The following ERI3 variants were observed in gnomAD, a reference collection of about 807,000 sequenced individuals.
ERI3 encodes ERI1 exoribonuclease family member 3, also known as ERI1 exoribonuclease 3.
ERI3 carries 18 observed loss-of-function variants against 44.4 expected under a neutral mutation model. That is an observed-to-expected ratio of 0.41 (90% CI 0.28 to 0.60). The LOEUF (loss-of-function observed/expected upper bound fraction) is 0.60. Ranked by LOEUF, ERI3 falls within the 20% of genes least tolerant of loss-of-function variation. ERI3 has a pLI of 0.36. For synonymous variants in ERI3, 183 were observed against 164.8 expected (o/e 1.11, Z -0.84); for missense variants, 294 against 435.5 (o/e 0.68, Z 2.89).
intron 8 of ERI3, among the ~76,000 whole-genome samples, chr1:44,238,277 G>C (rs2154317049): frequency 6.6e-6 from 1 of 152,140 alleles, no homozygotes; most frequent in Admixed American, 6.5e-5. Flanking sequence ...GGATGTTGTG[G>C]GGGAGACAGG....
At chr1:44,343,602 A>T (rs1266648326) in intron 2 of ERI3, among the ~76,000 whole-genome samples, 1 of 152,238 alleles carries the variant, frequency 6.6e-6, no homozygotes, top group South Asian at 2.1e-4. Flanking sequence ...TTTACTGAGG[A>T]AAGTCTAAAG....
At position 44,338,097 on chromosome 1, in the gene ERI3, A is replaced by T. The variant is rs534632170; in HGVS notation, c.489+948T>A. On this transcript the variant is annotated intron_variant, in intron 3 of 8. Transcript: ENST00000372257. ...TAGCAGCATTAACTTAAAAGCTAAA[A>T]GGTCTTTGAACACAGCTGGTGACTA... Among the ~76,000 whole-genome samples the T allele has an allele frequency of 7.2e-4, 110 of 152,356 alleles. No homozygotes were observed. In the South Asian group the frequency reaches 7.9e-3, roughly 11 times the overall value.
At chr1:44,268,496 A>G (rs958518294) in intron 7 of ERI3, among the ~76,000 whole-genome samples, 1 of 152,236 alleles carries the variant, frequency 6.6e-6, no homozygotes, top group Non-Finnish European at 1.5e-5. Context: ...GGAAAAATAA[A>G]TAAAAACCTA....
intron 6 of ERI3, among the ~76,000 whole-genome samples, chr1:44,305,959 G>A (rs1049519755): frequency 2.0e-5 from 3 of 152,208 alleles, no homozygotes; most frequent in Non-Finnish European, 4.4e-5. Flanking sequence ...TTTACCGGGC[G>A]CATAAAAAGG....
chr1:44,335,286 G>A (rs558288906), intron 3 of ERI3, among the ~76,000 whole-genome samples: 1 of 151,686 alleles, frequency 6.6e-6, no homozygotes, highest in Non-Finnish European at 1.5e-5. Flanking sequence ...GAGGCTGAAG[G>A]TTGAGGCTGC....
At chr1:44,253,964 T>G (rs917190632) in intron 7 of ERI3, among the ~76,000 whole-genome samples, 1 of 152,142 alleles carries the variant, frequency 6.6e-6, no homozygotes, top group Non-Finnish European at 1.5e-5. Flanking sequence ...TAATACAATA[T>G]TTGTTGTTAT....
At chr1:44,302,737 G>C (rs1645753639) in intron 6 of ERI3, among the ~76,000 whole-genome samples, 1 of 152,188 alleles carries the variant, frequency 6.6e-6, no homozygotes, top group African/African-American at 2.4e-5. Context: ...CTGCCACTCA[G>C]TGCAAACAAA....
chr1:44,264,848 T>C (rs1296797208), intron 7 of ERI3, among the ~76,000 whole-genome samples: 1 of 152,238 alleles, frequency 6.6e-6, no homozygotes, highest in East Asian at 1.9e-4. Context: ...ATTCTAATTA[T>C]GGGCTCAAAC....
At position 44,342,797 on chromosome 1, in the gene ERI3, C is replaced by CCACCA. The variant is rs1249007174; in HGVS notation, c.212-3480_212-3476dup. ...AAGTAGCTTGGACCACAGGCATGTG[C>CCACCA]CACCACATCCAGCTAATATATATAT... On this transcript the variant is annotated intron_variant, in intron 2 of 8. Coordinates refer to ENST00000372257, the MANE Select transcript of ERI3 (RefSeq NM_024066.3). 1.6e-4 allele frequency among the ~76,000 whole-genome samples: 17 copies of CCACCA among 105,870 alleles called. 2 individuals carry two copies. Among genetic ancestry groups the CCACCA allele is most frequent in the Admixed American group, 1.5e-3 (13 of 8,754 alleles). The allele number at this position is 105,870 out of a possible 152,430, so 69.5% of individuals were successfully genotyped here.
chr1:44,315,280 A>G (rs1358607105), intron 4 of ERI3, among the ~76,000 whole-genome samples: 1 of 152,210 alleles, frequency 6.6e-6, no homozygotes, highest in Non-Finnish European at 1.5e-5. Context: ...GGGCTTAAAG[A>G]AAGTCTCACT....
intron 8 of ERI3, among the ~76,000 whole-genome samples, chr1:44,246,694 G>A (rs1278066631): frequency 2.0e-5 from 3 of 152,218 alleles, no homozygotes; most frequent in Non-Finnish European, 4.4e-5. Flanking sequence ...GGTGTTTTCT[G>A]TCACAGCCCT....
intron 6 of ERI3, among the ~76,000 whole-genome samples, chr1:44,292,233 T>G (rs1645522361): frequency 6.6e-6 from 1 of 151,380 alleles, no homozygotes. Flanking sequence ...CCAGAACCAC[T>G]CCACAGCTGC....
At chr1:44,268,007 C>T (rs1645022155) in intron 7 of ERI3, among the ~76,000 whole-genome samples, 1 of 152,188 alleles carries the variant, frequency 6.6e-6, no homozygotes, top group South Asian at 2.1e-4. Flanking sequence ...AGGCAGGAGG[C>T]ACAGGAACAT....
chr1:44,354,455 G>A (rs1459654210), intron 1 of ERI3: 1 of 985,318 alleles, frequency 1.0e-6, no homozygotes, highest in Non-Finnish European at 1.2e-6. Flanking sequence ...ACCTGTTGCT[G>A]GACCATTTGC....
At chr1:44,260,828 T>A (rs1644879269) in intron 7 of ERI3, among the ~76,000 whole-genome samples, 1 of 148,160 alleles carries the variant, frequency 6.7e-6, no homozygotes, top group Non-Finnish European at 1.5e-5. Context: ...CAACTTCCCT[T>A]CTCCAAATCC....
At chr1:44,338,132 A>G (rs1443332061) in intron 3 of ERI3, among the ~76,000 whole-genome samples, 1 of 152,244 alleles carries the variant, frequency 6.6e-6, no homozygotes, top group Non-Finnish European at 1.5e-5. Flanking sequence ...AATGAAAAAA[A>G]GCAAGCAAAG....
At chr1:44,247,093 C>G (rs563119302) in intron 8 of ERI3, among the ~76,000 whole-genome samples, 3 of 152,154 alleles carry the variant, frequency 2.0e-5, no homozygotes, top group Non-Finnish European at 4.4e-5. Context: ...CTGACAGATA[C>G]ACACACAGAT....
chr1:44,269,043 T>A (rs1454416173), intron 7 of ERI3, among the ~76,000 whole-genome samples: 1 of 152,190 alleles, frequency 6.6e-6, no homozygotes. Flanking sequence ...CCCTGGACCC[T>A]CAACTTCTTC....
intron 8 of ERI3, among the ~76,000 whole-genome samples, chr1:44,226,574 T>C (rs1032429674): frequency 2.0e-5 from 3 of 151,534 alleles, no homozygotes. Context: ...TTTTAGGAAA[T>C]AGAACGAGCA....
Sources: gnomAD v4.1 joint callset for allele counts (sites outside exome capture counted in the v4.1 genomes callset) on GRCh38, gnomAD v4.1.1 for gene constraint, MANE v1.5 for transcripts, NCBI Gene and HGNC (gene_info 2026-07-23, HGNC 2026-07-21) for gene names.